The following CYTH1 variants were observed in gnomAD, a reference collection of about 807,000 sequenced individuals.
The protein encoded by CYTH1 is cytohesin-1.
A neutral mutation model predicts 61.8 loss-of-function variants in CYTH1; 18 were observed. The ratio of observed to expected loss-of-function variants is 0.29; its 90% CI spans 0.20 to 0.43. CYTH1 has a LOEUF of 0.43. CYTH1 is among the 20% of genes least tolerant of loss of function. CYTH1 has a pLI of 1.00. For synonymous variants in CYTH1, 174 were observed against 184.3 expected, an observed-to-expected ratio of 0.94 and a Z score of 0.45; for missense variants, 336 against 510.5, an observed-to-expected ratio of 0.66 and a Z score of 3.29.
intron 9 of CYTH1, 74 bp downstream of exon 9, chr17:78,698,195 A>G (rs1217408467): frequency 1.7e-5 from 20 of 1,210,756 alleles, no homozygotes; most frequent in East Asian, 7.0e-5. Context: ...ACACGCACGC[A>G]CGCACACACG....
chr17:78,709,288 G>T, intron 2 of CYTH1: 1 of 110,090 alleles, frequency 9.1e-6, no homozygotes, highest in Admixed American at 1.3e-4. Flanking sequence ...CCAGAGCCAG[G>T]GCGTGGGCCG....
At chr17:78,766,981 G>A (rs1379138820) in intron 1 of CYTH1, among the ~76,000 whole-genome samples, 1 of 152,114 alleles carries the variant, frequency 6.6e-6, no homozygotes, top group Non-Finnish European at 1.5e-5. Flanking sequence ...TATAAAATCA[G>A]TACAGTATTT....
At chr17:78,775,113 C>G (rs1236536272) in intron 1 of CYTH1, among the ~76,000 whole-genome samples, 2 of 152,222 alleles carry the variant, frequency 1.3e-5, no homozygotes, top group African/African-American at 4.8e-5. Flanking sequence ...AGGCATCACA[C>G]CATCCACAGA....
chr17:78,694,565 CAG>C (rs1312960348), intron 10 of CYTH1, among the ~76,000 whole-genome samples: 5 of 152,194 alleles, frequency 3.3e-5, no homozygotes, highest in Non-Finnish European at 7.3e-5. Context: ...TCCACCAATT[CAG>C]AGTCTGAGAA....
At chr17:78,728,831 G>C (rs2093279501) in intron 1 of CYTH1, among the ~76,000 whole-genome samples, 1 of 152,100 alleles carries the variant, frequency 6.6e-6, no homozygotes, top group Non-Finnish European at 1.5e-5. Flanking sequence ...TTCAGTCAAG[G>C]GTGCTGAGCA....
At chr17:78,765,952 G>A (rs2093446748) in intron 1 of CYTH1, among the ~76,000 whole-genome samples, 2 of 152,006 alleles carry the variant, frequency 1.3e-5, no homozygotes, top group South Asian at 4.2e-4. Context: ...TTCCAATGAG[G>A]CCCTGTCAAA....
chr17:78,777,125 C>T (rs935316289), intron 1 of CYTH1, among the ~76,000 whole-genome samples: 2 of 132,986 alleles, frequency 1.5e-5, no homozygotes, highest in African/African-American at 5.7e-5. Context: ...AACTCTGTCT[C>T]ACAAAAAAAA....
In CYTH1 at chr17:78,698,270, G is replaced by C. The variant is rs369625185; in HGVS notation, c.810C>G (p.Leu270=). 2.5e-6 allele frequency: 4 copies of C among 1,612,670 alleles called. No individual in the cohort carries two copies. The highest frequency in any genetic ancestry group is 3.4e-6 in the Non-Finnish European group (4 of 1,179,162). Residue 270 remains leucine, a splice_region_variant and synonymous_variant, in exon 9 of 14, where the codon CTC becomes CTG. Transcript: ENST00000446868. ...GCCCTGACTCAGAGGTGCGCTTACC[G>C]AGTTTCAATAGCCAGCCTTCTCGGT... is the stretch of plus-strand genomic sequence containing the variant. ...NPDREGWLLK[L]GGGRVKTWKR... is the part of the protein sequence containing the mutation.
chr17:78,727,080 G>A (rs1324142740), intron 1 of CYTH1, among the ~76,000 whole-genome samples: 3 of 152,184 alleles, frequency 2.0e-5, no homozygotes, highest in Non-Finnish European at 4.4e-5. Flanking sequence ...TTTCTAAAGC[G>A]GAAAATGAGG....
At chr17:78,774,107 T>C (rs1025866813) in intron 1 of CYTH1, among the ~76,000 whole-genome samples, 1 of 152,218 alleles carries the variant, frequency 6.6e-6, no homozygotes, top group Non-Finnish European at 1.5e-5. Context: ...AGGGCACATT[T>C]GCACTATTAC....
At chr17:78,759,690 C>T (rs1373229039) in intron 1 of CYTH1, among the ~76,000 whole-genome samples, 1 of 152,200 alleles carries the variant, frequency 6.6e-6, no homozygotes, top group Non-Finnish European at 1.5e-5. Context: ...TAAAGCAAAA[C>T]CACATAAATT....
At chr17:78,753,947 T>C (rs1035047808) in intron 1 of CYTH1, among the ~76,000 whole-genome samples, 5 of 152,140 alleles carry the variant, frequency 3.3e-5, no homozygotes, top group Non-Finnish European at 7.4e-5. Flanking sequence ...CACCCCTTTT[T>C]TAAAATGATT....
At chr17:78,753,658 G>A (rs2093389488) in intron 1 of CYTH1, among the ~76,000 whole-genome samples, 1 of 152,174 alleles carries the variant, frequency 6.6e-6, no homozygotes, top group South Asian at 2.1e-4. Flanking sequence ...TAGGACAGAA[G>A]ACAGTGTATA....
At chr17:78,679,889 A>T (rs528301634) in intron 13 of CYTH1, among the ~76,000 whole-genome samples, 1 of 152,328 alleles carries the variant, frequency 6.6e-6, no homozygotes, top group South Asian at 2.1e-4. Flanking sequence ...GCTTCGTCAG[A>T]CACAGAAAGA....
chr17:78,709,816 G>C (rs898672002), intron 1 of CYTH1, 84 bp from the exon 2 acceptor site: 8 of 1,238,954 alleles, frequency 6.5e-6, no homozygotes, highest in Non-Finnish European at 8.1e-6. Context: ...AAAGGAGAAA[G>C]ATATCAAGAA....
chr17:78,746,873 G>C (rs1198622350), intron 1 of CYTH1, among the ~76,000 whole-genome samples: 1 of 151,948 alleles, frequency 6.6e-6, no homozygotes, highest in East Asian at 1.9e-4. Context: ...GGGCTCAGGA[G>C]GTCAAGGCTG....
At chr17:78,772,351 A>T (rs1032626326) in intron 1 of CYTH1, among the ~76,000 whole-genome samples, 1 of 152,134 alleles carries the variant, frequency 6.6e-6, no homozygotes, top group African/African-American at 2.4e-5. Flanking sequence ...TGCCCCCCAT[A>T]CTTGAAATAA....
chr17:78,747,166 A>AAG (rs1427543966), intron 1 of CYTH1, among the ~76,000 whole-genome samples: 1 of 150,850 alleles, frequency 6.6e-6, no homozygotes, highest in Non-Finnish European at 1.5e-5. Flanking sequence ...AAAAAAAAAA[A>AAG]AAAAGAAAAA....
At chr17:78,688,099 C>T (rs2092835422) in intron 11 of CYTH1, among the ~76,000 whole-genome samples, 1 of 152,210 alleles carries the variant, frequency 6.6e-6, no homozygotes. Flanking sequence ...GGCTAGCCAG[C>T]ACTTCTCTAT....
Sources: gnomAD v4.1 joint callset for allele counts (sites outside exome capture counted in the v4.1 genomes callset) on GRCh38, gnomAD v4.1.1 for gene constraint, MANE v1.5 for transcripts, NCBI Gene and HGNC (gene_info 2026-07-23, HGNC 2026-07-21) for gene names.